The following SYT2 variants were observed in gnomAD, a reference collection of about 807,000 sequenced individuals.
SYT2 encodes the protein synaptotagmin-2.
A neutral mutation model predicts 39.9 loss-of-function variants in SYT2; 15 were observed. The ratio of observed to expected loss-of-function variants is 0.38; its 90% confidence interval spans 0.25 to 0.58. The LOEUF (loss-of-function observed/expected upper bound fraction) is 0.58, where lower values mean the gene tolerates loss of function less well. Ranked by LOEUF, SYT2 falls within the 20% of genes least tolerant of loss-of-function variation. The pLI is 0.70. For missense variants in SYT2, 389 were observed against 530.3 expected (o/e 0.73, Z 2.62); for synonymous variants, 181 against 204.5 (o/e 0.89, Z 0.98).
rs1815648 is a variant in SYT2, at chr1:202,644,731, G to T, written c.-17-38942C>A. Among the ~76,000 whole-genome samples the T allele has an allele frequency of 2.7e-4, 38 of 142,788 alleles. No individual in the cohort carries two copies. In the East Asian group the frequency reaches 4.9e-3, roughly 18 times the overall value. The allele number at this position is 142,788 out of a possible 152,430, so 93.7% of individuals were successfully genotyped here. A position where few individuals can be genotyped will look rare whatever the true frequency, so the allele number is the denominator to read the frequency against. ...AAAAATCCAGTGTGCATGTGTGTTG[G>T]GGGGGGCAGTCACTCAGGGCTTTCC... On this transcript the variant is annotated intron_variant, in intron 1 of 8. Transcript: ENST00000367268.
intron 1 of SYT2, among the ~76,000 whole-genome samples, chr1:202,607,977 G>C (rs927935711): frequency 4.6e-5 from 7 of 152,102 alleles, no homozygotes; most frequent in African/African-American, 1.7e-4. Flanking sequence ...TCACAGAATA[G>C]TGGAACAATT....
At chr1:202,650,822 C>T (rs937718677) in intron 1 of SYT2, among the ~76,000 whole-genome samples, 1 of 152,192 alleles carries the variant, frequency 6.6e-6, no homozygotes, top group African/African-American at 2.4e-5. Context: ...GATGAAGGAA[C>T]AGCCAGAGAA....
chr1:202,598,345 T>TG (rs1198928271), intron 8 of SYT2, among the ~76,000 whole-genome samples: 1 of 152,200 alleles, frequency 6.6e-6, no homozygotes, highest in East Asian at 1.9e-4. Flanking sequence ...TTGAGATGCC[T>TG]GGGTCAGGAT....
intron 1 of SYT2, among the ~76,000 whole-genome samples, chr1:202,626,750 G>A (rs1290903276): frequency 6.6e-6 from 1 of 152,118 alleles, no homozygotes. Flanking sequence ...AGAAAGGGTG[G>A]TGGGGTCATG....
At position 202,626,016 on chromosome 1, in the gene SYT2, T is replaced by G. The variant is rs552115281; in HGVS notation, c.-17-20227A>C. Among the ~76,000 whole-genome samples, 8 of 152,332 alleles carry G rather than the reference T, an allele frequency of 5.3e-5. No homozygotes were observed. In the South Asian group the frequency reaches 1.7e-3, roughly 32 times the overall value. On this transcript the variant is annotated intron_variant, in intron 1 of 8. Coordinates refer to ENST00000367268, the MANE Select transcript of SYT2 (RefSeq NM_177402.5). Reference sequence around the variant, plus strand: ...TGTATAAACATGCATGAACCAGCACTGTGAACACATATGCAAACATTGTGT... The same window carrying G: ...TGTATAAACATGCATGAACCAGCACGGTGAACACATATGCAAACATTGTGT...
intron 1 of SYT2, among the ~76,000 whole-genome samples, chr1:202,687,244 C>T (rs1463849375): frequency 2.6e-5 from 4 of 152,098 alleles, no homozygotes; most frequent in South Asian, 2.1e-4. Context: ...CCTCCCCCTA[C>T]GACCCAGCCC....
chr1:202,616,309 C>T (rs532907338), intron 1 of SYT2, among the ~76,000 whole-genome samples: 7 of 152,166 alleles, frequency 4.6e-5, no homozygotes, highest in Non-Finnish European at 1.0e-4. Context: ...CGTTCCTGCG[C>T]AGGATCCCTC....
intron 1 of SYT2, among the ~76,000 whole-genome samples, chr1:202,662,174 C>T (rs777209501): frequency 6.6e-6 from 1 of 152,164 alleles, no homozygotes; most frequent in African/African-American, 2.4e-5. Flanking sequence ...AGAAGGGCAT[C>T]CCAGGCAGAG....
rs533753959 is a variant in SYT2 at position 202,640,674 on chromosome 1, G to A, written c.-17-34885C>T. Among the ~76,000 whole-genome samples the A allele has an allele frequency of 6.5e-4, 98 of 151,400 alleles. 2 individuals carry two copies. Among genetic ancestry groups the A allele is most frequent in the Non-Finnish European group, 8.0e-4 (54 of 67,798 alleles). Reference sequence around the variant, plus strand: ...AAGGAAAACTGGTGTGAGATTATTGGAAAGTCAGGCAGTCTCTCTGTTTCC... The same window carrying A: ...AAGGAAAACTGGTGTGAGATTATTGAAAAGTCAGGCAGTCTCTCTGTTTCC... On this transcript the variant is annotated intron_variant, in intron 1 of 8. Transcript: ENST00000367268.
chr1:202,612,953 G>A (rs789907), intron 1 of SYT2, among the ~76,000 whole-genome samples: 50,035 of 151,334 alleles, frequency 0.33, 8,554 homozygotes, highest in Non-Finnish European at 0.38. Context: ...CATTATAAAT[G>A]GAATTGTTTT....
At chr1:202,702,417 C>A (rs1243414073) in intron 1 of SYT2, among the ~76,000 whole-genome samples, 1 of 152,180 alleles carries the variant, frequency 6.6e-6, no homozygotes, top group South Asian at 2.1e-4. Flanking sequence ...TTTTCCTACT[C>A]GTGGGAGAGT....
Position 202,599,976 on chromosome 1 carries a change from G to GGCAGAGCCA in SYT2, c.919+372_919+380dup, listed in dbSNP as rs1254880355. Among the ~76,000 whole-genome samples, 1 of 152,174 alleles carries GGCAGAGCCA rather than the reference G, an allele frequency of 6.6e-6. No individual in the cohort carries two copies. Among genetic ancestry groups the GGCAGAGCCA allele is most frequent in the Non-Finnish European group, 1.5e-5 (1 of 68,030 alleles). The stretch of plus-strand genomic sequence containing the variant: ...CCTTGCCTCACCCTCCCCTTTCCAG[G>GGCAGAGCCA]GCAGAGCCAGCAGAGCCTACAGCCT... On this transcript the variant is annotated intron_variant, in intron 7 of 8. Transcript: ENST00000367268. This position sits in a 1 kb window ranked among gnomAD's most constrained non-coding sequence, Gnocchi z 4.4.
intron 1 of SYT2, among the ~76,000 whole-genome samples, chr1:202,680,423 T>C (rs1229812133): frequency 6.6e-6 from 1 of 152,142 alleles, no homozygotes; most frequent in Non-Finnish European, 1.5e-5. Context: ...ATGCCTGTAA[T>C]GCCAACACTC....
chr1:202,597,038 C>T, intron 8 of SYT2, 75 bp from the exon 9 acceptor site: 2 of 1,326,162 alleles, frequency 1.5e-6, no homozygotes, highest in South Asian at 1.3e-5. Context: ...CTCCATCAAC[C>T]TCTACTCCCA....
intron 1 of SYT2, among the ~76,000 whole-genome samples, chr1:202,709,226 CT>C (rs1472193492): frequency 3.3e-5 from 5 of 152,216 alleles, no homozygotes; most frequent in African/African-American, 4.8e-5. Flanking sequence ...TGTCCTTGCA[CT>C]CCCTTCTCCT....
chr1:202,603,207 C>A (rs1041641996), intron 3 of SYT2, 89 bp from the exon 4 acceptor site: 22 of 1,530,456 alleles, frequency 1.4e-5, no homozygotes, highest in Non-Finnish European at 1.9e-5. Flanking sequence ...ACCAGCCCCT[C>A]TGTGGTAGAC....
chr1:202,599,450 G>T lies in SYT2; in HGVS notation c.920-99C>A, dbSNP rs1309455494. 8 of 1,363,918 alleles carry T rather than the reference G, an allele frequency of 5.9e-6. No individual in the cohort carries two copies. The highest frequency in any genetic ancestry group is 5.1e-5 in the East Asian group (2 of 39,192). The allele number at this position is 1,363,918 out of a possible 1,614,324, so 84.5% of individuals were successfully genotyped here. On this transcript the variant is annotated intron_variant, in intron 7 of 8. Coordinates refer to ENST00000367268, the MANE Select transcript of SYT2 (RefSeq NM_177402.5). This position sits in a 1 kb window ranked among gnomAD's most constrained non-coding sequence, Gnocchi z 4.4. ...TGCCCAGAGCATCGGTCAAGAGGGG[G>T]TCTTCACTCCGCTGAGACCAGGCCC...
intron 1 of SYT2, among the ~76,000 whole-genome samples, chr1:202,698,675 C>T (rs1284000208): frequency 6.6e-6 from 1 of 152,128 alleles, no homozygotes; most frequent in African/African-American, 2.4e-5. Context: ...TGTACACCGA[C>T]CCCCAGACTC....
At chr1:202,704,181 G>A (rs574164886) in intron 1 of SYT2, among the ~76,000 whole-genome samples, 9 of 152,286 alleles carry the variant, frequency 5.9e-5, no homozygotes, top group African/African-American at 2.2e-4. Flanking sequence ...GTTGACAGGC[G>A]ACTATCCTGG....
Sources: gnomAD v4.1 joint callset for allele counts (sites outside exome capture counted in the v4.1 genomes callset) on GRCh38, gnomAD v4.1.1 for gene constraint, Gnocchi (gnomAD v3.1) non-coding constraint, MANE v1.5 for transcripts, NCBI Gene and HGNC (gene_info 2026-07-23, HGNC 2026-07-21) for gene names.